Variants in CSMD2 observed in about 807,000 individuals in gnomAD.
The protein encoded by CSMD2 is CUB and Sushi multiple domains 2.
Under a neutral mutation model 398.5 loss-of-function variants are expected in CSMD2, and 130 were observed. The ratio of observed to expected loss-of-function variants is 0.33; its 90% CI spans 0.28 to 0.38. CSMD2 has a LOEUF of 0.38. Among genes scored for constraint, CSMD2 ranks in the 10% least tolerant of loss-of-function variants. CSMD2 has a pLI of 1.00. For missense variants in CSMD2, 3,829 were observed against 4,764.9 expected (o/e 0.80, Z 5.78); for synonymous variants, 1,828 against 1,908.5 (o/e 0.96, Z 1.10).
At chr1:33,743,655 C>T (rs375668077) in intron 13 of CSMD2, 49 bp from the exon 14 acceptor site, 62 of 1,349,872 alleles carry the variant, frequency 4.6e-5, no homozygotes, top group Non-Finnish European at 5.7e-5. Flanking sequence ...AACATTCTGC[C>T]TGCACCACTG....
At chr1:33,557,679 G>A (rs1391039990) in intron 55 of CSMD2, 55 bp downstream of exon 55, 2 of 1,468,292 alleles carry the variant, frequency 1.4e-6, no homozygotes, top group African/African-American at 2.8e-5. Context: ...GGGGAGGACT[G>A]TTCTTTGACA....
At chr1:34,010,776 G>A (rs1159623281) in intron 3 of CSMD2, among the ~76,000 whole-genome samples, 6 of 152,022 alleles carry the variant, frequency 3.9e-5, no homozygotes, top group Admixed American at 3.3e-4. Context: ...CTGCCACCAC[G>A]CTAGGCTAAT....
intron 10 of CSMD2, 113 bp downstream of exon 10, chr1:33,810,630 T>C: frequency 1.9e-6 from 2 of 1,061,084 alleles, no homozygotes; most frequent in South Asian, 3.2e-5. Context: ...GTAAAAGAAC[T>C]GTCTGCAGAG....
intron 2 of CSMD2, among the ~76,000 whole-genome samples, chr1:34,037,711 A>T (rs977199556): frequency 6.6e-6 from 1 of 152,212 alleles, no homozygotes; most frequent in African/African-American, 2.4e-5. Flanking sequence ...TCATGGAGGA[A>T]GCTCAAACCT....
chr1:33,811,910 A>C (rs2124966007), intron 9 of CSMD2, among the ~76,000 whole-genome samples: 1 of 152,350 alleles, frequency 6.6e-6, no homozygotes, highest in Middle Eastern at 3.4e-3. Context: ...AATAGTGAGC[A>C]AACTCAACAA....
rs147528449 is a variant in CSMD2, at chr1:33,914,949, C to T, written c.920+3145G>A. Among the ~76,000 whole-genome samples the T allele has an allele frequency of 2.4e-3, 370 of 152,322 alleles. 4 individuals are homozygous for T. The highest frequency in any genetic ancestry group is 8.4e-3 in the African/African-American group (351 of 41,562). On this transcript the variant is annotated intron_variant, in intron 5 of 70. Transcript: ENST00000373381. Reference sequence around the variant, plus strand: ...AAAAATGACCAATCCTATGTTTCTCCAATTGTTTGGAAATTTTACTAGTCC... The same window carrying T: ...AAAAATGACCAATCCTATGTTTCTCTAATTGTTTGGAAATTTTACTAGTCC...
Position 33,792,534 on chromosome 1 carries a change from G to A in CSMD2, c.1447-8C>T. 2 of 1,596,836 alleles carry A rather than the reference G, an allele frequency of 1.3e-6. No individual in the cohort carries two copies. The highest frequency in any genetic ancestry group is 1.7e-6 in the Non-Finnish European group (2 of 1,164,300). ...AAAGGCGAGCTTGATCACCTAGGGA[G>A]GGAACACAGGGTTAGGAGCAGGCAG... On this transcript the variant is annotated splice_region_variant and splice_polypyrimidine_tract_variant and intron_variant, in intron 10 of 70. Coordinates refer to ENST00000373381, the MANE Select transcript of CSMD2 (RefSeq NM_001281956.2).
At chr1:33,691,757 T>A (rs1645249156) in intron 25 of CSMD2, among the ~76,000 whole-genome samples, 1 of 152,214 alleles carries the variant, frequency 6.6e-6, no homozygotes, top group African/African-American at 2.4e-5. Context: ...TGGCTCCCTC[T>A]TAGTTACTGG....
chr1:34,062,042 C>G (rs1450768906), intron 2 of CSMD2, among the ~76,000 whole-genome samples: 1 of 152,198 alleles, frequency 6.6e-6, no homozygotes, highest in Non-Finnish European at 1.5e-5. Flanking sequence ...TGGGCTAAGA[C>G]CCCAATGTCA....
At chr1:33,816,463 C>T (rs768802357) in intron 9 of CSMD2, among the ~76,000 whole-genome samples, 1 of 152,134 alleles carries the variant, frequency 6.6e-6, no homozygotes, top group Non-Finnish European at 1.5e-5. Flanking sequence ...GGAGGGGAGA[C>T]TAGAAATCCC....
intron 3 of CSMD2, among the ~76,000 whole-genome samples, chr1:33,961,380 G>GT (rs1645353126): frequency 6.6e-6 from 1 of 152,268 alleles, no homozygotes; most frequent in African/African-American, 2.4e-5. Context: ...CACTGGGACA[G>GT]GAGTCTTCTG....
In CSMD2 at chr1:33,625,031, C is replaced by A; in HGVS notation, c.5500+20G>T. The A allele has an allele frequency of 2.5e-6, 4 of 1,613,284 alleles. No homozygotes were observed. The highest frequency in any genetic ancestry group is 3.4e-6 in the Non-Finnish European group (4 of 1,179,462). On this transcript the variant is annotated intron_variant, in intron 34 of 70. Coordinates refer to ENST00000373381, the MANE Select transcript of CSMD2 (RefSeq NM_001281956.2). ...CGTGCCGCCCCCCGCACCCTCAACG[C>A]CCGGGTCCTGGTTACTCACCCACAC...
chr1:33,790,537 A>C (rs1654106415), intron 11 of CSMD2, among the ~76,000 whole-genome samples: 2 of 152,204 alleles, frequency 1.3e-5, no homozygotes, highest in Non-Finnish European at 2.9e-5. Context: ...CTGCAACTCC[A>C]TTATTGACTA....
intron 2 of CSMD2, among the ~76,000 whole-genome samples, chr1:34,037,930 A>G (rs764643959): frequency 1.3e-5 from 2 of 152,200 alleles, no homozygotes; most frequent in Non-Finnish European, 2.9e-5. Flanking sequence ...TATCACTTAC[A>G]ATATATGGAA....
intron 6 of CSMD2, among the ~76,000 whole-genome samples, chr1:33,845,376 C>G (rs1389990500): frequency 1.3e-5 from 2 of 152,218 alleles, no homozygotes; most frequent in African/African-American, 4.8e-5. Flanking sequence ...TAGCACGGGG[C>G]CTGGTGTGCA....
chr1:33,698,841 G>T lies in CSMD2; in HGVS notation c.3837C>A (p.Asp1279Glu). ...CACTACCCCGCAGGCTGTATCCAGG[G>T]TCACAGCTGAAGGACACGGAGCTCC... is the stretch of plus-strand genomic sequence containing the variant. Reference protein sequence around the residue: ...FAGSSVSFSCDPGYSLRGSEE... With the variant: ...FAGSSVSFSCEPGYSLRGSEE... Residue 1279 changes from aspartate to glutamate, a missense_variant, in exon 24 of 71, where the codon GAC becomes GAA. Around this residue, in one of 5 missense-constraint regions of CSMD2, gnomAD observed 2,001 missense variants for 2,567.1 expected, o/e 0.78. Coordinates refer to ENST00000373381, the MANE Select transcript of CSMD2 (RefSeq NM_001281956.2). 6.2e-7 allele frequency: 1 copy of T among 1,614,228 alleles called. No homozygotes were observed.
chr1:33,908,624 G>A (rs1050121131), intron 5 of CSMD2, among the ~76,000 whole-genome samples: 27 of 152,240 alleles, frequency 1.8e-4, no homozygotes, highest in African/African-American at 3.9e-4. Context: ...TGCCCACTGC[G>A]ACAACACCAG....
At chr1:33,964,100 G>A (rs553395423) in intron 3 of CSMD2, among the ~76,000 whole-genome samples, 19 of 152,286 alleles carry the variant, frequency 1.2e-4, no homozygotes, top group African/African-American at 3.9e-4. Flanking sequence ...TCTAATGTGG[G>A]GTTGGGGATT....
intron 5 of CSMD2, among the ~76,000 whole-genome samples, chr1:33,881,755 A>C (rs1004245624): frequency 1.3e-5 from 2 of 152,252 alleles, no homozygotes; most frequent in African/African-American, 4.8e-5. Context: ...GCTTATTATA[A>C]AACTTAGAAA....
Sources: gnomAD v4.1 joint callset for allele counts (sites outside exome capture counted in the v4.1 genomes callset) on GRCh38, gnomAD v4.1.1 for gene constraint, gnomAD v4.1.1 regional missense constraint, MANE v1.5 for transcripts, NCBI Gene and HGNC (gene_info 2026-07-23, HGNC 2026-07-21) for gene names.